MND1: variants seen among roughly 807,000 people sequenced by gnomAD.
MND1 encodes the protein meiotic nuclear divisions 1.
In MND1, 28 loss-of-function variants were observed where a neutral mutation model predicts 35.1. The observed-to-expected ratio is 0.80, with a 90% CI of 0.59 to 1.09. MND1 has a LOEUF of 1.09. Ranked by LOEUF, MND1 falls within the 50% of genes least tolerant of loss-of-function variation. The probability of loss-of-function intolerance (pLI) is 0.00; values close to 1 mark genes in which losing one functional copy is unlikely to be tolerated. For synonymous variants in MND1, 69 were observed against 70.5 expected (o/e 0.98, Z 0.11); for missense variants, 213 against 239.6 (o/e 0.89, Z 0.73).
chr4:153,392,164 C>T lies in MND1; in HGVS notation c.277-2098C>T, dbSNP rs190053512. ...TCACCCAGGCTGGAGTGCAGTGGCGCGATCTCGGCTCACTGCAAGCTCCAC... is the reference window on the plus strand; with the variant it reads ...TCACCCAGGCTGGAGTGCAGTGGCGTGATCTCGGCTCACTGCAAGCTCCAC... On this transcript the variant is annotated intron_variant, in intron 4 of 7. Coordinates refer to ENST00000240488, the MANE Select transcript of MND1 (RefSeq NM_032117.4). 4.0e-5 allele frequency among the ~76,000 whole-genome samples: 6 copies of T among 151,562 alleles called. No individual in the cohort carries two copies. In the East Asian group the frequency reaches 5.8e-4, roughly 15 times the overall value.
chr4:153,389,120 G>C lies in MND1; in HGVS notation c.277-5142G>C, dbSNP rs181355211. Among the ~76,000 whole-genome samples, 10 of 152,306 alleles carry C rather than the reference G, an allele frequency of 6.6e-5. No homozygotes were observed. The South Asian group carries it at 1.9e-3, about 28-fold the overall frequency. The stretch of plus-strand genomic sequence containing the variant: ...TAGGTATATGTAAAATAGGTGAAGC[G>C]TGCGGATCAGAGGAAAGCCACCAAA... On this transcript the variant is annotated intron_variant, in intron 4 of 7. Coordinates refer to ENST00000240488, the MANE Select transcript of MND1 (RefSeq NM_032117.4).
chr4:153,397,366 C>A, intron 6 of MND1, 33 bp downstream of exon 6: 2 of 1,484,204 alleles, frequency 1.3e-6, no homozygotes, highest in Non-Finnish European at 1.8e-6. Flanking sequence ...GGATCTTTAA[C>A]TTTGATAATG....
chr4:153,394,305 T>C lies in MND1; in HGVS notation c.320T>C (p.Ile107Thr), dbSNP rs758278900. 2.2e-5 allele frequency: 35 copies of C among 1,612,422 alleles called. 2 individuals carry two copies. Among genetic ancestry groups the C allele is most frequent in the Middle Eastern group, 3.3e-4 (2 of 6,074 alleles). ...AAGCATGCAAGCCTACAGAAAAGCA[T>C]TGAGAAAGCTAAAATTGGCCGATGT... is the stretch of plus-strand genomic sequence containing the variant. ...SQKHASLQKSIEKAKIGRCET... is the reference protein window; with the variant it reads ...SQKHASLQKSTEKAKIGRCET... The change falls in exon 5 of 8, where the codon ATT becomes ACT. Residue 107 changes from isoleucine (I) to threonine (T), a missense_variant. By Grantham distance (89) the Ile-to-Thr change is moderately conservative. Transcript: ENST00000240488.
At chr4:153,351,065 T>C (rs907301100) in intron 2 of MND1, among the ~76,000 whole-genome samples, 5 of 152,080 alleles carry the variant, frequency 3.3e-5, no homozygotes, top group African/African-American at 4.8e-5. Context: ...ATGATGATGA[T>C]ATGGTTACAA....
At chr4:153,354,934 G>A (rs1001572504) in intron 2 of MND1, among the ~76,000 whole-genome samples, 10 of 152,240 alleles carry the variant, frequency 6.6e-5, no homozygotes, top group East Asian at 1.9e-4. Flanking sequence ...AGGCTGAGAC[G>A]GGAGGATTGC....
chr4:153,350,938 G>A (rs1011724433), intron 2 of MND1, among the ~76,000 whole-genome samples: 2 of 140,730 alleles, frequency 1.4e-5, no homozygotes, highest in Admixed American at 1.4e-4. Flanking sequence ...TTCACTTTAA[G>A]GCAGATTCTT....
intron 5 of MND1, among the ~76,000 whole-genome samples, 191 bp from the exon 6 acceptor site, chr4:153,397,028 T>C (rs1007389695): frequency 5.9e-5 from 9 of 152,280 alleles, no homozygotes; most frequent in Admixed American, 3.9e-4. Context: ...TACTTGAGAT[T>C]TCAGGAAAGA....
At chr4:153,399,506 GC>G (rs1419036886) in intron 6 of MND1, among the ~76,000 whole-genome samples, 4 of 152,216 alleles carry the variant, frequency 2.6e-5, no homozygotes, top group Non-Finnish European at 5.9e-5. Flanking sequence ...AGGGAATTGT[GC>G]CAGACCAATT....
chr4:153,371,245 G>C (rs1225458456), intron 4 of MND1, among the ~76,000 whole-genome samples: 1 of 152,004 alleles, frequency 6.6e-6, no homozygotes, highest in Non-Finnish European at 1.5e-5. Flanking sequence ...AGGGCCCTAG[G>C]GTTTTCATTG....
At chr4:153,345,170 C>G (rs1027976209) in intron 1 of MND1, among the ~76,000 whole-genome samples, 2 of 152,090 alleles carry the variant, frequency 1.3e-5, no homozygotes, top group Non-Finnish European at 2.9e-5. Flanking sequence ...TAGCCCCCCC[C>G]ATTAAGAACG....
chr4:153,380,835 A>T (rs1002124961), intron 4 of MND1, among the ~76,000 whole-genome samples: 8 of 152,188 alleles, frequency 5.3e-5, no homozygotes, highest in Non-Finnish European at 8.8e-5. Flanking sequence ...ATTTTAAATA[A>T]TGCTGAAAAG....
At chr4:153,388,960 G>C (rs969711696) in intron 4 of MND1, among the ~76,000 whole-genome samples, 2 of 152,222 alleles carry the variant, frequency 1.3e-5, no homozygotes, top group Non-Finnish European at 2.9e-5. Flanking sequence ...TTCTTTCCCA[G>C]TGTGGCTGAA....
At chr4:153,359,311 C>T (rs762294359) in intron 4 of MND1, among the ~76,000 whole-genome samples, 2 of 152,168 alleles carry the variant, frequency 1.3e-5, no homozygotes, top group Non-Finnish European at 2.9e-5. Context: ...GATTGGCTTC[C>T]TTCCCTTAAC....
chr4:153,349,056 G>GT (rs1187631818), intron 1 of MND1, among the ~76,000 whole-genome samples: 1 of 147,730 alleles, frequency 6.8e-6, no homozygotes, highest in African/African-American at 2.5e-5. Context: ...TTAGTGTGGA[G>GT]TTTTTTTATT....
intron 6 of MND1, among the ~76,000 whole-genome samples, chr4:153,405,297 C>T (rs575893027): frequency 1.1e-4 from 16 of 152,104 alleles, no homozygotes; most frequent in Middle Eastern, 3.4e-3. Context: ...ATGCACACTT[C>T]GGGAAGCTGA....
intron 7 of MND1, 165 bp downstream of exon 7, chr4:153,409,180 G>T (rs1561081945): frequency 8.2e-6 from 2 of 244,360 alleles, no homozygotes; most frequent in Non-Finnish European, 1.6e-5. Context: ...GTTATTTAAG[G>T]TTTTTTTTAT....
chr4:153,410,616 C>G (rs147585932), intron 7 of MND1, among the ~76,000 whole-genome samples: 2 of 152,160 alleles, frequency 1.3e-5, no homozygotes, highest in Admixed American at 6.5e-5. Context: ...TGCAGTCTTA[C>G]TTATCATATA....
intron 4 of MND1, chr4:153,381,681 T>TATATAATATATATAATATA (rs1728697911): frequency 4.4e-5 from 1 of 22,784 alleles, no homozygotes; most frequent in Non-Finnish European, 9.0e-5. Flanking sequence ...TATATATATA[T>TATATAATATATATAATATA]ATATATATAT....
At chr4:153,398,359 A>G (rs1288301863) in intron 6 of MND1, among the ~76,000 whole-genome samples, 2 of 152,244 alleles carry the variant, frequency 1.3e-5, no homozygotes, top group African/African-American at 4.8e-5. Flanking sequence ...AGGCTTTGAA[A>G]GAAATGGAAA....
Sources: allele counts gnomAD v4.1 joint callset (sites outside exome capture counted in the v4.1 genomes callset), GRCh38; gene constraint gnomAD v4.1.1; transcripts MANE v1.5; gene names NCBI Gene and HGNC (gene_info 2026-07-23, HGNC 2026-07-21).